The following LILRA2 variants were observed in gnomAD, a reference collection of about 807,000 sequenced individuals.
The protein encoded by LILRA2 is leukocyte immunoglobulin-like receptor subfamily A member 2.
Under a neutral mutation model 47.9 loss-of-function variants are expected in LILRA2, and 45 were observed. The ratio of observed to expected loss-of-function variants is 0.94; its 90% CI spans 0.74 to 1.20. The LOEUF is 1.20. Among genes scored for constraint, LILRA2 ranks in the 50% most tolerant of loss-of-function variants. The pLI is 0.00. For synonymous variants in LILRA2, 279 were observed against 249.2 expected, an observed-to-expected ratio of 1.12 and a Z score of -1.13; for missense variants, 651 against 598.2, an observed-to-expected ratio of 1.09 and a Z score of -0.92.
Position 54,585,482 on chromosome 19 carries a change from C to T in LILRA2, c.1256-1528C>T, listed in dbSNP as rs190748915. ...GCATCTTTGTTTACACTGTGAGCTA[C>T]TCCAACCTCAGCAATGGTGGATGCC... On this transcript the variant is annotated intron_variant, in intron 6 of 7. Coordinates refer to ENST00000391738, the MANE Select transcript of LILRA2 (RefSeq NM_001130917.3). Among the ~76,000 whole-genome samples the T allele has an allele frequency of 5.0e-3, 761 of 152,342 alleles. 4 individuals carry two copies. The highest frequency in any genetic ancestry group is 7.7e-3 in the Non-Finnish European group (525 of 68,018).
Position 54,588,072 on chromosome 19 carries a change from A to G in LILRA2, c.*726A>G, listed in dbSNP as rs117041916. 546 of 152,484 alleles carry G rather than the reference A, an allele frequency of 3.6e-3. No individual in the cohort carries two copies. The South Asian group carries it at 0.072, about 20-fold the overall frequency. 9.4% of individuals were successfully genotyped at this position (152,484 alleles called of 1,614,324 possible). ...AGGTGCCAATGGGTTCTCACTGAAT[A>G]CAGGGTTGGGAAGCAAGGGACAGAA... is the stretch of plus-strand genomic sequence containing the variant. On this transcript the variant is annotated 3_prime_UTR_variant, in exon 8 of 8. Coordinates refer to ENST00000391738, the MANE Select transcript of LILRA2 (RefSeq NM_001130917.3).
At chr19:54,580,475 G>A (rs1433502047) in intron 6 of LILRA2, among the ~76,000 whole-genome samples, 3 of 20,150 alleles carry the variant, frequency 1.5e-4, no homozygotes, top group African/African-American at 2.4e-4. Flanking sequence ...TCTTGCGATA[G>A]TTTACTGAGA....
rs927705011 is a variant in LILRA2, at chr19:54,577,968, C to A, written c.1255+1859C>A. 1.8e-3 allele frequency among the ~76,000 whole-genome samples: 280 copies of A among 151,526 alleles called. No homozygotes were observed. In the South Asian group the frequency reaches 0.038, roughly 21 times the overall value. On this transcript the variant is annotated intron_variant, in intron 6 of 7. Coordinates refer to ENST00000391738, the MANE Select transcript of LILRA2 (RefSeq NM_001130917.3). ...GAAACAAATTTCTCATTAATATCAA[C>A]TCTTCCTCCTTCACACATTAAAAAT...
chr19:54,577,327 G>A lies in LILRA2; in HGVS notation c.1255+1218G>A, dbSNP rs994779404. 9 of 523,646 alleles carry A rather than the reference G, an allele frequency of 1.7e-5. No homozygotes were observed. The African/African-American group carries it at 1.8e-4, about 11-fold the overall frequency. The allele number at this position is 523,646 out of a possible 1,614,324, so 32.4% of individuals were successfully genotyped here. ...TGAGTAGAGGAAGGAGAACAGGCTGGGTGGGGAGGATTTGGGGTCCAGGCC... is the reference window on the plus strand; with the variant it reads ...TGAGTAGAGGAAGGAGAACAGGCTGAGTGGGGAGGATTTGGGGTCCAGGCC... On this transcript the variant is annotated intron_variant, in intron 6 of 7. Coordinates refer to ENST00000391738, the MANE Select transcript of LILRA2 (RefSeq NM_001130917.3).
chr19:54,586,342 C>G (rs1242314577), intron 6 of LILRA2, among the ~76,000 whole-genome samples: 1 of 151,976 alleles, frequency 6.6e-6, no homozygotes. Flanking sequence ...TTATGAACCT[C>G]GGATAGCACC....
chr19:54,577,881 T>G (rs2062520128), intron 6 of LILRA2, among the ~76,000 whole-genome samples: 2 of 152,120 alleles, frequency 1.3e-5, no homozygotes, highest in Non-Finnish European at 2.9e-5. Context: ...ATATATTATT[T>G]AAAAATCCTT....
chr19:54,587,519 C>T lies in LILRA2; in HGVS notation c.*173C>T, dbSNP rs1052399317. 1.4e-5 allele frequency: 15 copies of T among 1,096,398 alleles called. No homozygotes were observed. In the African/African-American group the frequency reaches 2.1e-4, roughly 15 times the overall value. 67.9% of individuals were successfully genotyped at this position (1,096,398 alleles called of 1,614,324 possible). ...GTAAGGAAACTGTCTGGGGTGATTC[C>T]TAGAAGATCATTAAACTGTGGTACA... On this transcript the variant is annotated 3_prime_UTR_variant, in exon 8 of 8. Coordinates refer to ENST00000391738, the MANE Select transcript of LILRA2 (RefSeq NM_001130917.3).
At position 54,583,372 on chromosome 19, in the gene LILRA2, G is replaced by A. The variant is rs377017138; in HGVS notation, c.1256-3638G>A. Among the ~76,000 whole-genome samples, 283 of 152,262 alleles carry A rather than the reference G, an allele frequency of 1.9e-3. 4 individuals carry two copies. In the South Asian group the frequency reaches 0.036, roughly 19 times the overall value. ...TCATTGATCTAATATTGACAGAGGG[G>A]TGTTAAAGTCTCCTATTATTATTGT... On this transcript the variant is annotated intron_variant, in intron 6 of 7. Transcript: ENST00000391738.
At chr19:54,573,326 T>G, upstream of LILRA2, 18 of 634,046 alleles carry the variant, frequency 2.8e-5, no homozygotes, top group East Asian at 3.3e-5. Context: ...CAGCTCAACC[T>G]GAGCTACACA....
At chr19:54,574,260 G>A in intron 2 of LILRA2, 41 bp from the exon 3 acceptor site, 1 of 1,613,842 alleles carries the variant, frequency 6.2e-7, no homozygotes, top group South Asian at 1.1e-5. Context: ...GATCTGTTGG[G>A]TGGGAAATGA....
chr19:54,577,425 A>T (rs1331047862), intron 6 of LILRA2: 2 of 1,246,250 alleles, frequency 1.6e-6, no homozygotes, highest in Non-Finnish European at 2.1e-6. Flanking sequence ...GAGAGGACAG[A>T]TGGACAGTGT....
In LILRA2 at chr19:54,583,733, G is replaced by A. The variant is rs111352578; in HGVS notation, c.1256-3277G>A. Among the ~76,000 whole-genome samples the A allele has an allele frequency of 4.3e-3, 649 of 152,014 alleles. 11 individuals are homozygous for A. Among genetic ancestry groups the A allele is most frequent in the African/African-American group, 0.014 (578 of 41,468 alleles). On this transcript the variant is annotated intron_variant, in intron 6 of 7. Coordinates refer to ENST00000391738, the MANE Select transcript of LILRA2 (RefSeq NM_001130917.3). Reference sequence around the variant, plus strand: ...GTCTTGATTCTTTATCCAATTTGCTGGTCTGTGTCTTTTAATTGGAGCATT... The same window carrying A: ...GTCTTGATTCTTTATCCAATTTGCTAGTCTGTGTCTTTTAATTGGAGCATT...
chr19:54,574,900 G>A lies in LILRA2; in HGVS notation c.522G>A (p.Gly174=). ...TGAACTCCCATTCCCATGCCCGTGG[G>A]TGGTCCTGGGCCATCTTCTCCGTGG... is the stretch of plus-strand genomic sequence containing the variant. ...QRLNSHSHAR[G]WSWAIFSVGP... Residue 174 remains glycine, a synonymous_variant, in exon 4 of 8, where the codon GGG becomes GGA. Transcript: ENST00000391738. 18 of 1,614,290 alleles carry A rather than the reference G, an allele frequency of 1.1e-5. No homozygotes were observed. The highest frequency in any genetic ancestry group is 1.4e-5 in the Non-Finnish European group (17 of 1,180,048).
At chr19:54,585,843 T>C (rs1283422817) in intron 6 of LILRA2, among the ~76,000 whole-genome samples, 1 of 152,102 alleles carries the variant, frequency 6.6e-6, no homozygotes, top group Non-Finnish European at 1.5e-5. Flanking sequence ...GGTACCTCAG[T>C]TGGAAATGCA....
chr19:54,575,076 T>C, intron 4 of LILRA2, 43 bp downstream of exon 4: 2 of 1,592,480 alleles, frequency 1.3e-6, no homozygotes, highest in African/African-American at 1.3e-5. Flanking sequence ...TGAGTCTCCC[T>C]GAGTCTCCAG....
chr19:54,574,578 G>T lies in LILRA2; in HGVS notation c.348G>T (p.Val116=), dbSNP rs752900399. The T allele has an allele frequency of 2.5e-6, 4 of 1,613,942 alleles. No homozygotes were observed. The East Asian group carries it at 6.7e-5, about 27-fold the overall frequency. Residue 116 remains valine (V), a synonymous_variant, in exon 3 of 8, where the codon GTG becomes GTT. Coordinates refer to ENST00000391738, the MANE Select transcript of LILRA2 (RefSeq NM_001130917.3). ...SEYSDPLELV[V]TGAYSKPTLS... ...ACAGTGACCCCCTGGAGCTGGTGGT[G>T]ACAGGTGAGAGGACACTCAGGAGTC...
Position 54,575,034 on chromosome 19 carries a change from G to C in LILRA2, c.655+1G>C, listed in dbSNP as rs1173110558. The C allele has an allele frequency of 1.2e-6, 2 of 1,612,610 alleles. No individual in the cohort carries two copies. Among genetic ancestry groups the C allele is most frequent in the Non-Finnish European group, 8.5e-7 (1 of 1,178,988 alleles). ...GATCTCCTGGAGCTCCTGGTCCCAG[G>C]TGAGAAATTCACAGAATTGCTTGGA... is the stretch of plus-strand genomic sequence containing the variant. On this transcript the variant is annotated splice_donor_variant, in intron 4 of 7. Coordinates refer to ENST00000391738, the MANE Select transcript of LILRA2 (RefSeq NM_001130917.3). LOFTEE classifies it high-confidence loss of function.
At chr19:54,576,593 C>CAT (rs1197067120) in intron 6 of LILRA2, among the ~76,000 whole-genome samples, 1,842 of 151,782 alleles carry the variant, frequency 0.012, 1 homozygote, top group African/African-American at 0.043. Context: ...GTGTGGTCTG[C>CAT]GTGGCTTCCT....
rs2062851893 is a variant in LILRA2 at position 54,587,543 on chromosome 19, C to A, written c.*197C>A. 1.0e-6 allele frequency: 1 copy of A among 976,082 alleles called. No homozygotes were observed. The highest frequency in any genetic ancestry group is 1.5e-6 in the Non-Finnish European group (1 of 683,326). 60.5% of individuals were successfully genotyped at this position (976,082 alleles called of 1,614,324 possible). ...CCTAGAAGATCATTAAACTGTGGTA[C>A]ATTTTTTTGTCTATGAATGTTGACT... On this transcript the variant is annotated 3_prime_UTR_variant, in exon 8 of 8. Transcript: ENST00000391738.
Sources: allele counts gnomAD v4.1 joint callset (sites outside exome capture counted in the v4.1 genomes callset), GRCh38; gene constraint gnomAD v4.1.1; transcripts MANE v1.5; gene names NCBI Gene and HGNC (gene_info 2026-07-23, HGNC 2026-07-21).